Variants in EPB42 observed in about 807,000 individuals in gnomAD.
EPB42 encodes protein 4.2.
In EPB42, 49 loss-of-function variants were observed where a neutral mutation model predicts 76.9. The ratio of observed to expected loss-of-function variants is 0.64; its 90% CI spans 0.51 to 0.81. EPB42 has a LOEUF of 0.81. EPB42 is among the 30% of genes least tolerant of loss of function. The pLI, the probability that EPB42 is intolerant of heterozygous loss-of-function variation, is 0.00. For missense variants in EPB42, 731 were observed against 867.6 expected (o/e 0.84, Z 1.98); for synonymous variants, 310 against 338.4 (o/e 0.92, Z 0.92).
In EPB42 at chr15:43,203,215, G is replaced by T. The variant is rs745717736; in HGVS notation, c.1679C>A (p.Thr560Asn). 6.2e-7 allele frequency: 1 copy of T among 1,614,154 alleles called. No individual in the cohort carries two copies. Among genetic ancestry groups the T allele is most frequent in the South Asian group, 1.1e-5 (1 of 91,080 alleles). Residue 560 changes from threonine to asparagine, a missense_variant, in exon 11 of 13, where the codon ACC becomes AAC. By Grantham distance (65) the Thr-to-Asn change is moderately conservative. Transcript: ENST00000441366. ...SNFERNPPENTFLRLTAMATH... is the reference protein window; with the variant it reads ...SNFERNPPENNFLRLTAMATH... ...TGCCATGGCGGTGAGTCTAAGGAAG[G>T]TGTTCTCGGGTGGGTTTCGCTCAAA...
upstream of EPB42, among the ~76,000 whole-genome samples, chr15:43,224,936 T>A (rs1159234271): frequency 6.6e-6 from 1 of 152,200 alleles, no homozygotes; most frequent in Non-Finnish European, 1.5e-5. Context: ...CCACTACATC[T>A]GGCTAATTTT....
intron 5 of EPB42, 49 bp downstream of exon 5, chr15:43,210,286 G>T (rs1210365622): frequency 1.3e-6 from 2 of 1,538,268 alleles, no homozygotes; most frequent in African/African-American, 1.4e-5. Context: ...CTCTCAGAGG[G>T]CTTTTTTCTC....
chr15:43,218,881 T>G (rs1328146732), intron 1 of EPB42, among the ~76,000 whole-genome samples: 1 of 152,218 alleles, frequency 6.6e-6, no homozygotes, highest in East Asian at 1.9e-4. Flanking sequence ...GATACCTTCG[T>G]GTTTTCTCAC....
At chr15:43,204,537 A>G (rs1166186894) in intron 10 of EPB42, among the ~76,000 whole-genome samples, 1 of 152,094 alleles carries the variant, frequency 6.6e-6, no homozygotes, top group African/African-American at 2.4e-5. Flanking sequence ...GGGCTTTCAG[A>G]CACAATGTGC....
chr15:43,206,980 A>G lies in EPB42; in HGVS notation c.1318+219T>C, dbSNP rs565535828. Among the ~76,000 whole-genome samples the G allele has an allele frequency of 1.3e-5, 2 of 152,310 alleles. No individual in the cohort carries two copies. The highest frequency in any genetic ancestry group is 4.1e-4 in the South Asian group (2 of 4,830). ...TGTGAAAGAATTTAGACTTCCTCTGAGGGTCAGGAATGCTGCTAAATGTCC... is the reference window on the plus strand; with the variant it reads ...TGTGAAAGAATTTAGACTTCCTCTGGGGGTCAGGAATGCTGCTAAATGTCC... On this transcript the variant is annotated intron_variant, in intron 9 of 12. Transcript: ENST00000441366. This position sits in a 1 kb window ranked among gnomAD's most constrained non-coding sequence, Gnocchi z 4.7.
chr15:43,202,049 C>T, intron 11 of EPB42, 72 bp from the exon 12 acceptor site: 1 of 1,604,994 alleles, frequency 6.2e-7, no homozygotes, highest in South Asian at 1.1e-5. Flanking sequence ...CCCATGCACC[C>T]CTGTACCCTC....
upstream of EPB42, among the ~76,000 whole-genome samples, chr15:43,224,219 C>G (rs1004115110): frequency 6.6e-6 from 1 of 152,176 alleles, no homozygotes; most frequent in Non-Finnish European, 1.5e-5. Context: ...GGTGTCTTTT[C>G]CTTTTCGTCT....
chr15:43,203,287 G>A lies in EPB42; in HGVS notation c.1619-12C>T, dbSNP rs1317774427. On this transcript the variant is annotated splice_polypyrimidine_tract_variant and intron_variant, in intron 10 of 12. Coordinates refer to ENST00000441366, the MANE Select transcript of EPB42 (RefSeq NM_001114134.2). ...GGTTATTATCTTTTCTGAAACACATGACAGGTGGAGTCAGTGGCAACAGGT... is the reference window on the plus strand; with the variant it reads ...GGTTATTATCTTTTCTGAAACACATAACAGGTGGAGTCAGTGGCAACAGGT... 1 of 1,614,068 alleles carries A rather than the reference G, an allele frequency of 6.2e-7. No homozygotes were observed. The highest frequency in any genetic ancestry group is 8.5e-7 in the Non-Finnish European group (1 of 1,180,038).
chr15:43,197,589 G>A, intron 12 of EPB42, 125 bp from the exon 13 acceptor site: 1 of 1,107,222 alleles, frequency 9.0e-7, no homozygotes. Flanking sequence ...TAAGTACCTT[G>A]CTATTAAAAT....
chr15:43,220,048 T>C (rs2142330890), intron 1 of EPB42, among the ~76,000 whole-genome samples: 1 of 152,106 alleles, frequency 6.6e-6, no homozygotes, highest in East Asian at 1.9e-4. Context: ...TCTTCCCTTC[T>C]CAGCTGTTGG....
Position 43,207,214 on chromosome 15 carries a change from A to G in EPB42, c.1303T>C (p.Tyr435His). 6.2e-7 allele frequency: 1 copy of G among 1,613,974 alleles called. No homozygotes were observed. Among genetic ancestry groups the G allele is most frequent in the South Asian group, 1.1e-5 (1 of 91,072 alleles). Residue 435 changes from tyrosine to histidine, a missense_variant, in exon 9 of 13, where the codon TAC becomes CAC. Physicochemically the swap from Tyr to His is moderately conservative, Grantham distance 83 (BLOSUM62 2). Coordinates refer to ENST00000441366, the MANE Select transcript of EPB42 (RefSeq NM_001114134.2). ...SDRCEDITQNYKYPEGSLQEK... is the reference protein window; with the variant it reads ...SDRCEDITQNHKYPEGSLQEK... ...TGGCCCGTACCTTCAGGATACTTGT[A>G]GTTCTGAGTGATGTCCTCGCAGCGG...
chr15:43,197,775 T>C (rs1403636615), intron 12 of EPB42, among the ~76,000 whole-genome samples: 1 of 152,190 alleles, frequency 6.6e-6, no homozygotes, highest in Non-Finnish European at 1.5e-5. Context: ...GGAAGAGTGA[T>C]ATGGTTTGGC....
chr15:43,216,185 C>T (rs2042375749), intron 2 of EPB42, 83 bp downstream of exon 2: 2 of 1,548,150 alleles, frequency 1.3e-6, no homozygotes, highest in East Asian at 4.6e-5. Flanking sequence ...GCCATTTGTC[C>T]CTTGATTCCC....
chr15:43,207,646 TC>T (rs1035220054), intron 8 of EPB42, among the ~76,000 whole-genome samples: 2 of 152,206 alleles, frequency 1.3e-5, no homozygotes, highest in African/African-American at 2.4e-5. Context: ...AACTTTTTGG[TC>T]ATGGTCCCTG....
In EPB42 at chr15:43,207,312, C is replaced by T; in HGVS notation, c.1205G>A (p.Gly402Glu). 1 of 1,614,178 alleles carries T rather than the reference C, an allele frequency of 6.2e-7. No homozygotes were observed. The highest frequency in any genetic ancestry group is 8.5e-7 in the Non-Finnish European group (1 of 1,180,034). Residue 402 changes from glycine (G) to glutamate (E), a missense_variant, in exon 9 of 13, where the codon GGG (glycine) becomes GAG (glutamate). Coordinates refer to ENST00000441366, the MANE Select transcript of EPB42 (RefSeq NM_001114134.2). ...GTTGGAGTCAGTCAACTCCAGTGTC[C>T]CATCCTCACAGCACTTCCAGACCAC... ...SCVVWKCCED[G>E]TLELTDSNTK...
At chr15:43,219,060 T>G (rs2042420092) in intron 1 of EPB42, among the ~76,000 whole-genome samples, 1 of 152,052 alleles carries the variant, frequency 6.6e-6, no homozygotes, top group Admixed American at 6.5e-5. Flanking sequence ...AACGACTGGC[T>G]GGGGGGAGGG....
At position 43,216,359 on chromosome 15, in the gene EPB42, C is replaced by T; in HGVS notation, c.105G>A (p.Arg35=). 1 of 1,614,202 alleles carries T rather than the reference C, an allele frequency of 6.2e-7. No homozygotes were observed. Among genetic ancestry groups the T allele is most frequent in the Non-Finnish European group, 8.5e-7 (1 of 1,180,038 alleles). ...ALSSRRLFVR[R]GQPFTIILYF... is the part of the protein sequence containing the mutation. The stretch of plus-strand genomic sequence containing the variant: ...ACAGGATGATGGTGAAGGGCTGCCC[C>T]CTCCTCACAAAGAGGCGCCGGGAGC... The change falls in exon 2 of 13, where the codon AGG becomes AGA. Residue 35 remains arginine (R), a synonymous_variant. Coordinates refer to ENST00000441366, the MANE Select transcript of EPB42 (RefSeq NM_001114134.2).
intron 7 of EPB42, 130 bp downstream of exon 7, chr15:43,208,507 C>G: frequency 6.7e-7 from 1 of 1,495,696 alleles, no homozygotes; most frequent in Middle Eastern, 1.7e-4. Flanking sequence ...CCATCAGCGC[C>G]GCCTCTAAGG....
intron 7 of EPB42, 123 bp from the exon 8 acceptor site, chr15:43,208,456 G>T: frequency 7.2e-7 from 1 of 1,384,430 alleles, no homozygotes; most frequent in Non-Finnish European, 1.0e-6. Flanking sequence ...TGTCAAAGTG[G>T]CTGTGGCACT....
Sources: gnomAD v4.1 joint callset for allele counts (sites outside exome capture counted in the v4.1 genomes callset) on GRCh38, gnomAD v4.1.1 for gene constraint, Gnocchi (gnomAD v3.1) non-coding constraint, MANE v1.5 for transcripts, NCBI Gene and HGNC (gene_info 2026-07-23, HGNC 2026-07-21) for gene names.